GNAI2: variants seen among roughly 807,000 people sequenced by gnomAD.
GNAI2 encodes the protein G protein subunit alpha i2.
Under a neutral mutation model 36.8 loss-of-function variants are expected in GNAI2, and 4 were observed. That is an observed-to-expected ratio of 0.11 (90% CI 0.05 to 0.25). The LOEUF is 0.25. Ranked by LOEUF, GNAI2 falls within the 10% of genes least tolerant of loss-of-function variation. The pLI is 1.00. For missense variants in GNAI2, 230 were observed against 481.3 expected, an observed-to-expected ratio of 0.48 and a Z score of 4.89; for synonymous variants, 194 against 194.1, an observed-to-expected ratio of 1.00 and a Z score of 0.01.
chr3:50,252,178 C>T lies in GNAI2; in HGVS notation c.161+36C>T. On this transcript the variant is annotated intron_variant, in intron 2 of 8. Transcript: ENST00000313601. The surrounding 1 kb of genome is among the most constrained non-coding windows in gnomAD (Gnocchi z 4.1). ...TATTCCAGAGGCAGTGCTCAAACTC[C>T]AGCTTCCCCTCTTCACCCTCTGGGC... is the stretch of plus-strand genomic sequence containing the variant. 1.3e-6 allele frequency: 2 copies of T among 1,599,270 alleles called. No individual in the cohort carries two copies. The highest frequency in any genetic ancestry group is 8.6e-7 in the Non-Finnish European group (1 of 1,167,256).
rs1308121864 is a variant in GNAI2 at position 50,252,893 on chromosome 3, G to A, written c.304-131G>A. On this transcript the variant is annotated intron_variant, in intron 3 of 8. Coordinates refer to ENST00000313601, the MANE Select transcript of GNAI2 (RefSeq NM_002070.4). The surrounding 1 kb of genome is among the most constrained non-coding windows in gnomAD (Gnocchi z 4.1). ...AAAAGTAAACAACAACAACAAAAAG[G>A]TTTTAGGGCAAGTCTCATCCTAGGG... The A allele has an allele frequency of 8.2e-6, 6 of 731,908 alleles. 1 individual carries two copies. The Middle Eastern group carries it at 8.8e-4, about 107-fold the overall frequency. The allele number at this position is 731,908 out of a possible 1,614,324, so 45.3% of individuals were successfully genotyped here. A position where few individuals can be genotyped will look rare whatever the true frequency, so the allele number is the denominator to read the frequency against.
Sources: gnomAD v4.1 joint callset for allele counts on GRCh38, gnomAD v4.1.1 for gene constraint, Gnocchi (gnomAD v3.1) non-coding constraint, MANE v1.5 for transcripts, NCBI Gene and HGNC (gene_info 2026-07-23, HGNC 2026-07-21) for gene names.